The following MYH7 variants were observed in gnomAD, a reference collection of about 807,000 sequenced individuals.
MYH7 encodes the protein myosin-7.
MYH7 carries 129 observed loss-of-function variants against 225.4 expected under a neutral mutation model. The ratio of observed to expected loss-of-function variants is 0.57; its 90% CI spans 0.50 to 0.66. MYH7 has a LOEUF of 0.66. MYH7 is among the 30% of genes least tolerant of loss of function. The pLI, the probability that MYH7 is intolerant of heterozygous loss-of-function variation, is 0.00. For missense variants in MYH7, 1,649 were observed against 2,517.0 expected (o/e 0.66, Z 7.38); for synonymous variants, 971 against 1,007.6 (o/e 0.96, Z 0.69).
Position 23,426,759 on chromosome 14 carries a change from C to G in MYH7, c.2044+18G>C. On this transcript the variant is annotated intron_variant, in intron 18 of 39. Coordinates refer to ENST00000355349, the MANE Select transcript of MYH7 (RefSeq NM_000257.4). ...GGTGTATGCCCAGCAGTGGGTTGGC[C>G]TGAGTTTGTGGCCTCACCTGGAGAC... 1.2e-6 allele frequency: 2 copies of G among 1,612,184 alleles called. No homozygotes were observed. The highest frequency in any genetic ancestry group is 1.1e-5 in the South Asian group (1 of 91,046).
rs374626788 is a variant in MYH7, at chr14:23,425,035, C to A, written c.2424-11G>T. On this transcript the variant is annotated splice_polypyrimidine_tract_variant and intron_variant, in intron 21 of 39. Transcript: ENST00000355349. The surrounding 1 kb of genome is among the most constrained non-coding windows in gnomAD (Gnocchi z 4.6). ...ACCAGCAGGGAGTCTCTGCAGGGGC[C>A]CATTGAAAGGAGTGCTGAGCCTCCT... 1 of 1,614,018 alleles carries A rather than the reference C, an allele frequency of 6.2e-7. No individual in the cohort carries two copies. The highest frequency in any genetic ancestry group is 1.3e-5 in the African/African-American group (1 of 74,930).
intron 37 of MYH7, among the ~76,000 whole-genome samples, 184 bp downstream of exon 37, chr14:23,414,811 G>T (rs1892115755): frequency 6.6e-6 from 1 of 152,130 alleles, no homozygotes; most frequent in Admixed American, 6.5e-5. Context: ...AGGCCAGGAG[G>T]CTCAGAGACT....
Position 23,430,592 on chromosome 14 carries a change from T to C in MYH7, c.967A>G (p.Ile323Val), listed in dbSNP as rs730880860. The C allele has an allele frequency of 6.2e-7, 1 of 1,614,122 alleles. No individual in the cohort carries two copies. The highest frequency in any genetic ancestry group is 8.5e-7 in the Non-Finnish European group (1 of 1,179,974). Residue 323 changes from isoleucine (I) to valine (V), a missense_variant, in exon 11 of 40, where the codon ATT (isoleucine) becomes GTT (valine). Around this residue, in one of 12 missense-constraint regions of MYH7, gnomAD observed 131 missense variants for 231.3 expected, o/e 0.57. Transcript: ENST00000355349. ...ISQGETTVAS[I>V]DDAEELMATD... ...GCCATGAGCTCCTCAGCGTCATCAATGGAGGCCACGGTGGTCTCTCCTTGG... is the reference window on the plus strand; with the variant it reads ...GCCATGAGCTCCTCAGCGTCATCAACGGAGGCCACGGTGGTCTCTCCTTGG...
At chr14:23,418,610 C>G (rs1265728600) in intron 29 of MYH7, among the ~76,000 whole-genome samples, 1 of 152,168 alleles carries the variant, frequency 6.6e-6, no homozygotes, top group Admixed American at 6.5e-5. Flanking sequence ...GCTTCATGGC[C>G]ATTGGCCCTG....
intron 25 of MYH7, among the ~76,000 whole-genome samples, chr14:23,421,496 T>C (rs928738041): frequency 4.6e-5 from 7 of 152,230 alleles, no homozygotes; most frequent in Admixed American, 2.0e-4. Context: ...AATAGGATCG[T>C]GTATTTATTC....
chr14:23,413,704 T>C (rs1892063119), intron 39 of MYH7, 55 bp downstream of exon 39: 16 of 1,611,490 alleles, frequency 9.9e-6, no homozygotes, highest in African/African-American at 1.3e-5. Context: ...GAGGGTGCTC[T>C]GTCTGGGTAT....
In MYH7 at chr14:23,433,403, C is replaced by T; in HGVS notation, c.201+129G>A. The T allele has an allele frequency of 1.4e-6, 2 of 1,439,614 alleles. No homozygotes were observed. Among genetic ancestry groups the T allele is most frequent in the Non-Finnish European group, 1.9e-6 (2 of 1,036,166 alleles). 89.2% of individuals were successfully genotyped at this position (1,439,614 alleles called of 1,614,324 possible). A position where few individuals can be genotyped will look rare whatever the true frequency, so the allele number is the denominator to read the frequency against. On this transcript the variant is annotated intron_variant, in intron 3 of 39. Transcript: ENST00000355349. This position sits in a 1 kb window ranked among gnomAD's most constrained non-coding sequence, Gnocchi z 4.1. The stretch of plus-strand genomic sequence containing the variant: ...GAGGGCTCTTTGGAGGGTCTGGATT[C>T]TTCCCCAAAGGGAAGGAGAATGGGA...
chr14:23,419,563 T>G lies in MYH7; in HGVS notation c.3773A>C (p.Glu1258Ala). 2 of 1,614,038 alleles carry G rather than the reference T, an allele frequency of 1.2e-6. No homozygotes were observed. Among genetic ancestry groups the G allele is most frequent in the Non-Finnish European group, 1.7e-6 (2 of 1,180,026 alleles). ...GGTCTCCTCCGCCTTGCTCCGGTGC[T>G]CATTCATCTGGTCTTCCAAGGTCCG... ...MCRTLEDQMNEHRSKAEETQR... is the reference protein window; with the variant it reads ...MCRTLEDQMNAHRSKAEETQR... The change falls in exon 28 of 40, where the codon GAG (glutamate) becomes GCG (alanine). Residue 1258 changes from glutamate to alanine, a missense_variant. By Grantham distance (107) the Glu-to-Ala change is moderately radical. Around this residue, in one of 12 missense-constraint regions of MYH7, gnomAD observed 687 missense variants for 913.8 expected, o/e 0.75. Coordinates refer to ENST00000355349, the MANE Select transcript of MYH7 (RefSeq NM_000257.4).
Position 23,414,009 on chromosome 14 carries a change from C to A in MYH7, c.5653G>T (p.Ala1885Ser). Residue 1885 changes from alanine to serine, a missense_variant and splice_region_variant, in exon 38 of 40, where the codon GCG becomes TCG. Physicochemically the swap from Ala to Ser is moderately conservative, Grantham distance 99. Coordinates refer to ENST00000355349, the MANE Select transcript of MYH7 (RefSeq NM_000257.4). Reference protein sequence around the residue: ...VKAYKRQAEEAEEQANTNLSK... With the variant: ...VKAYKRQAEESEEQANTNLSK... ...TAGTCCCCAGCAGGGTCACTCACCG[C>A]CTCCTCGGCCTGGCGCTTGTAGGCC... 3.7e-6 allele frequency: 6 copies of A among 1,614,188 alleles called. No homozygotes were observed. The highest frequency in any genetic ancestry group is 1.1e-5 in the South Asian group (1 of 91,084).
chr14:23,433,684 G>A lies in MYH7; in HGVS notation c.49C>T (p.Arg17Cys), dbSNP rs45511396. ...TCTAGCCGCTCCTTCTCTGACTTGC[G>A]CAGGTAGGGGGCGGCAGCCCCAAAG... Reference protein sequence around the residue: ...AVFGAAAPYLRKSEKERLEAQ... With the variant: ...AVFGAAAPYLCKSEKERLEAQ... Residue 17 changes from arginine (R) to cysteine (C), a missense_variant, in exon 3 of 40, where the codon CGC becomes TGC. Around this residue, in one of 12 missense-constraint regions of MYH7, gnomAD observed 91 missense variants for 96.5 expected, o/e 0.94. Coordinates refer to ENST00000355349, the MANE Select transcript of MYH7 (RefSeq NM_000257.4). The surrounding 1 kb of genome is among the most constrained non-coding windows in gnomAD (Gnocchi z 4.1). 1.5e-5 allele frequency: 24 copies of A among 1,614,132 alleles called. No homozygotes were observed. The highest frequency in any genetic ancestry group is 3.3e-5 in the South Asian group (3 of 91,094).
rs1595083496 is a variant in MYH7, at chr14:23,425,770, A to G, written c.2211T>C (p.Asp737=). 5.0e-6 allele frequency: 8 copies of G among 1,613,992 alleles called. No individual in the cohort carries two copies. Among genetic ancestry groups the G allele is most frequent in the Admixed American group, 3.3e-5 (2 of 60,024 alleles). Residue 737 remains aspartate (D), a synonymous_variant, in exon 20 of 40, where the codon GAT becomes GAC. Transcript: ENST00000355349. This position sits in a 1 kb window ranked among gnomAD's most constrained non-coding sequence, Gnocchi z 4.6. ...GCAGCTTCTCTGCCCCCTTCCTGCT[A>G]TCAATGAACTGTCCCTCAGGGATGG... ...PAAIPEGQFI[D]SRKGAEKLLS...
intron 16 of MYH7, 108 bp from the exon 17 acceptor site, chr14:23,427,415 AG>A (rs1955900683): frequency 2.0e-6 from 3 of 1,483,266 alleles, no homozygotes; most frequent in Non-Finnish European, 2.8e-6. Flanking sequence ...CCCCTGGGTG[AG>A]GGCCTTCAAT....
Position 23,415,794 on chromosome 14 carries a change from G to A in MYH7, c.4992C>T (p.Asn1664=), listed in dbSNP as rs763538103. The part of the protein sequence containing the change: ...QIQLDDAVRA[N]DDLKENIAIV... ...TGGCGATGTTCTCCTTCAGGTCGTC[G>A]TTGGCACGGACTGCATCGTCCAGCT... The change falls in exon 35 of 40, where the codon AAC becomes AAT. Residue 1664 remains asparagine, a synonymous_variant. Transcript: ENST00000355349. The surrounding 1 kb of genome is among the most constrained non-coding windows in gnomAD (Gnocchi z 6.3). 11 of 1,614,090 alleles carry A rather than the reference G, an allele frequency of 6.8e-6. No homozygotes were observed. The highest frequency in any genetic ancestry group is 1.6e-4 in the Middle Eastern group (1 of 6,082).
intron 37 of MYH7, 129 bp from the exon 38 acceptor site, chr14:23,414,231 A>C: frequency 1.4e-6 from 1 of 734,086 alleles, no homozygotes; most frequent in East Asian, 2.7e-5. Context: ...AAACACTTGA[A>C]TTCTCCTTAT....
Position 23,432,871 on chromosome 14 carries a change from T to C in MYH7, c.346-76A>G. ...GGTGATTTTGGGAGTTAGAGAAAGA[T>C]CCCAGGAGAGAAAGAAGAGAAAGGA... is the stretch of plus-strand genomic sequence containing the variant. On this transcript the variant is annotated intron_variant, in intron 4 of 39. Transcript: ENST00000355349. 2.5e-6 allele frequency: 4 copies of C among 1,588,438 alleles called. No individual in the cohort carries two copies. In the Admixed American group the frequency reaches 6.8e-5, roughly 27 times the overall value.
intron 10 of MYH7, 107 bp from the exon 11 acceptor site, chr14:23,430,770 G>T: frequency 7.8e-7 from 1 of 1,283,504 alleles, no homozygotes; most frequent in Non-Finnish European, 1.1e-6. Flanking sequence ...GGCTTGGCTT[G>T]GCCCCACATC....
At chr14:23,422,629 C>CT (rs1892525968) in intron 24 of MYH7, among the ~76,000 whole-genome samples, 2 of 136,310 alleles carry the variant, frequency 1.5e-5, no homozygotes, top group Admixed American at 7.5e-5. Flanking sequence ...TCCTTCCTTC[C>CT]TCCTTTTTTT....
Position 23,425,661 on chromosome 14 carries a change from G to A in MYH7, c.2286+34C>T, listed in dbSNP as rs144707922. 7.7e-5 allele frequency: 124 copies of A among 1,613,746 alleles called. 2 individuals carry two copies. The African/African-American group carries it at 1.4e-3, about 19-fold the overall frequency. ...TCAGAGGAGTCAATGGAAAAGAGAT[G>A]TCTTCCTTTAATTAATTAGTCTCCT... is the stretch of plus-strand genomic sequence containing the variant. On this transcript the variant is annotated intron_variant, in intron 20 of 39. Coordinates refer to ENST00000355349, the MANE Select transcript of MYH7 (RefSeq NM_000257.4). This position sits in a 1 kb window ranked among gnomAD's most constrained non-coding sequence, Gnocchi z 4.6.
intron 1 of MYH7, among the ~76,000 whole-genome samples, chr14:23,434,488 C>A (rs1385965180): frequency 6.6e-6 from 1 of 152,238 alleles, no homozygotes; most frequent in Non-Finnish European, 1.5e-5. Context: ...ATCCTCTTCA[C>A]TCCTGCGAGA....
Sources: allele counts gnomAD v4.1 joint callset (sites outside exome capture counted in the v4.1 genomes callset), GRCh38; gene constraint gnomAD v4.1.1; regional missense constraint gnomAD v4.1.1; non-coding constraint Gnocchi (gnomAD v3.1); transcripts MANE v1.5; gene names NCBI Gene and HGNC (gene_info 2026-07-23, HGNC 2026-07-21).